The following RALGPS1 variants were observed in gnomAD, a reference collection of about 807,000 sequenced individuals.
RALGPS1 encodes ras-specific guanine nucleotide-releasing factor RalGPS1.
RALGPS1 carries 19 observed loss-of-function variants against 78.8 expected under a neutral mutation model. The ratio of observed to expected loss-of-function variants is 0.24; its 90% confidence interval spans 0.17 to 0.35. The LOEUF (loss-of-function observed/expected upper bound fraction) is 0.35. RALGPS1 is among the 10% of genes least tolerant of loss of function. The pLI is 1.00. For synonymous variants in RALGPS1, 228 were observed against 256.3 expected, an observed-to-expected ratio of 0.89 and a Z score of 1.06; for missense variants, 454 against 688.3, an observed-to-expected ratio of 0.66 and a Z score of 3.81.
At chr9:127,022,994 A>G (rs2045609487) in intron 4 of RALGPS1, among the ~76,000 whole-genome samples, 1 of 152,210 alleles carries the variant, frequency 6.6e-6, no homozygotes, top group Admixed American at 6.5e-5. Context: ...TTGGTGAATA[A>G]ATGAATGTAG....
chr9:127,088,671 A>T (rs1589398663), intron 8 of RALGPS1: 1 of 504,618 alleles, frequency 2.0e-6, no homozygotes, highest in East Asian at 3.5e-5. Flanking sequence ...GTAGAGACTT[A>T]ATTTATTTAA....
intron 8 of RALGPS1, among the ~76,000 whole-genome samples, chr9:127,124,251 C>T (rs1234287458): frequency 6.6e-6 from 1 of 152,238 alleles, no homozygotes; most frequent in African/African-American, 2.4e-5. Context: ...AAAGGCAGCG[C>T]AGTCTCTACC....
intron 4 of RALGPS1, among the ~76,000 whole-genome samples, chr9:127,018,335 G>A (rs2045083942): frequency 6.6e-6 from 1 of 150,486 alleles, no homozygotes; most frequent in Non-Finnish European, 1.5e-5. Context: ...AGTAGAAGGA[G>A]CACATTCTAA....
intron 1 of RALGPS1, among the ~76,000 whole-genome samples, chr9:126,922,556 G>T (rs1316036281): frequency 6.6e-6 from 1 of 152,182 alleles, no homozygotes; most frequent in Non-Finnish European, 1.5e-5. Flanking sequence ...TCGTTATGTG[G>T]AATTACAGAG....
At chr9:126,981,494 C>T (rs1366643529) in intron 4 of RALGPS1, among the ~76,000 whole-genome samples, 4 of 152,206 alleles carry the variant, frequency 2.6e-5, no homozygotes, top group African/African-American at 9.6e-5. Context: ...TGACCTAATC[C>T]CTGAATGCCC....
At chr9:127,199,685 G>A (rs1187653459) in intron 14 of RALGPS1, among the ~76,000 whole-genome samples, 1 of 152,182 alleles carries the variant, frequency 6.6e-6, no homozygotes, top group East Asian at 1.9e-4. Flanking sequence ...CCATCGCACA[G>A]CTCCACGTAC....
At chr9:127,203,995 A>G (rs1018554560) in intron 14 of RALGPS1, among the ~76,000 whole-genome samples, 2 of 152,120 alleles carry the variant, frequency 1.3e-5, no homozygotes, top group African/African-American at 4.8e-5. Flanking sequence ...CTCCACAGTG[A>G]AAGGCACAGC....
chr9:127,024,578 T>C (rs2045797229), intron 4 of RALGPS1, among the ~76,000 whole-genome samples: 1 of 152,050 alleles, frequency 6.6e-6, no homozygotes, highest in Non-Finnish European at 1.5e-5. Context: ...CTTATTATTA[T>C]GGCTACGTAA....
chr9:126,918,496 A>C (rs1032309966), intron 1 of RALGPS1, among the ~76,000 whole-genome samples: 1 of 151,918 alleles, frequency 6.6e-6, no homozygotes, highest in African/African-American at 2.4e-5. Flanking sequence ...TAATTTTTAA[A>C]TTTTTTGTAG....
rs968828696 is a variant in RALGPS1 at position 127,205,032 on chromosome 9, C to T, written c.1247+5966C>T. Among the ~76,000 whole-genome samples the T allele has an allele frequency of 4.6e-5, 7 of 152,232 alleles. No individual in the cohort carries two copies. The highest frequency in any genetic ancestry group is 8.8e-5 in the Non-Finnish European group (6 of 68,042). On this transcript the variant is annotated intron_variant, in intron 14 of 18. Transcript: ENST00000259351. The surrounding 1 kb of genome is among the most constrained non-coding windows in gnomAD (Gnocchi z 4.0). ...CCAGTGGCCATTCTCAGGGTGACTA[C>T]CGCAGAGGACCTCACTGTCCCCCAC...
chr9:127,142,432 G>T (rs1024668628), intron 8 of RALGPS1, among the ~76,000 whole-genome samples: 3 of 152,322 alleles, frequency 2.0e-5, no homozygotes, highest in African/African-American at 7.2e-5. Flanking sequence ...TTGTTTGGAT[G>T]AAGAGGACTC....
chr9:127,185,451 CT>C (rs1417871029), intron 11 of RALGPS1, among the ~76,000 whole-genome samples: 2 of 152,236 alleles, frequency 1.3e-5, no homozygotes, highest in Non-Finnish European at 2.9e-5. Context: ...GTCCCGTTCA[CT>C]GGCTGCTCAA....
At chr9:127,150,043 G>A (rs1291942858) in intron 8 of RALGPS1, among the ~76,000 whole-genome samples, 1 of 152,230 alleles carries the variant, frequency 6.6e-6, no homozygotes, top group African/African-American at 2.4e-5. Context: ...GACCTGAGGT[G>A]CAGTGTCAGC....
Position 127,183,147 on chromosome 9 carries a change from C to T in RALGPS1, c.910+8365C>T, listed in dbSNP as rs550035558. Among the ~76,000 whole-genome samples the T allele has an allele frequency of 2.9e-4, 44 of 150,544 alleles. No individual in the cohort carries two copies. Among genetic ancestry groups the T allele is most frequent in the African/African-American group, 8.7e-4 (36 of 41,370 alleles). On this transcript the variant is annotated intron_variant, in intron 11 of 18. Coordinates refer to ENST00000259351, the MANE Select transcript of RALGPS1 (RefSeq NM_014636.3). This position sits in a 1 kb window ranked among gnomAD's most constrained non-coding sequence, Gnocchi z 4.0. ...GGTGCTAAGCCATTCATGAAGGATC[C>T]GCCCCCGACCCAGTCACCCCACCAG...
intron 5 of RALGPS1, among the ~76,000 whole-genome samples, chr9:127,038,728 A>G (rs1290047015): frequency 1.3e-5 from 2 of 152,342 alleles, no homozygotes; most frequent in African/African-American, 4.8e-5. Context: ...ATTCCAGTCC[A>G]GGGGAATCTG....
intron 8 of RALGPS1, among the ~76,000 whole-genome samples, chr9:127,123,514 A>G (rs971187043): frequency 2.0e-5 from 3 of 152,082 alleles, no homozygotes; most frequent in South Asian, 2.1e-4. Flanking sequence ...GACTCTGGAG[A>G]TGGGTGGATC....
At chr9:127,047,321 A>G (rs2047889708) in intron 5 of RALGPS1, among the ~76,000 whole-genome samples, 1 of 152,248 alleles carries the variant, frequency 6.6e-6, no homozygotes, top group South Asian at 2.1e-4. Context: ...AAAATTGTAG[A>G]AGAATATTCA....
intron 1 of RALGPS1, among the ~76,000 whole-genome samples, chr9:126,921,562 C>G (rs559516091): frequency 9.2e-5 from 14 of 152,318 alleles, no homozygotes; most frequent in Non-Finnish European, 1.8e-4. Context: ...TCAAGTCTGT[C>G]GTGTTCTTCT....
intron 4 of RALGPS1, among the ~76,000 whole-genome samples, chr9:127,018,109 A>G (rs1195713251): frequency 6.6e-6 from 1 of 152,034 alleles, no homozygotes; most frequent in African/African-American, 2.4e-5. Context: ...CCAGCTACTC[A>G]GGAGGCTGAG....
Sources: gnomAD v4.1 joint callset for allele counts (sites outside exome capture counted in the v4.1 genomes callset) on GRCh38, gnomAD v4.1.1 for gene constraint, Gnocchi (gnomAD v3.1) non-coding constraint, MANE v1.5 for transcripts, NCBI Gene and HGNC (gene_info 2026-07-23, HGNC 2026-07-21) for gene names.